The following NIBAN1 variants were observed in gnomAD, a reference collection of about 807,000 sequenced individuals.
The protein encoded by NIBAN1 is niban apoptosis regulator 1.
A neutral mutation model predicts 75.1 loss-of-function variants in NIBAN1; 81 were observed. That is an observed-to-expected ratio of 1.08 (90% CI 0.90 to 1.30). The LOEUF (loss-of-function observed/expected upper bound fraction) is 1.30. NIBAN1 is among the 50% of genes most tolerant of loss of function. NIBAN1 has a pLI of 0.00. For synonymous variants in NIBAN1, 436 were observed against 424.8 expected (o/e 1.03, Z -0.32); for missense variants, 1,133 against 1,128.1 (o/e 1.00, Z -0.06).
rs543215887 is a variant in NIBAN1 at position 184,861,572 on chromosome 1, A to AGGAAGGAAGGAG, written c.601+23049_601+23060dup. ...AGGGAGGAAGGGAAAGAAGGAGAGAAGGAAGGAAGGAGGGAAGGAAGGAGG... is the reference window on the plus strand; with the variant it reads ...AGGGAGGAAGGGAAAGAAGGAGAGAAGGAAGGAAGGAGGGAAGGAAGGAGGGAAGGAAGGAGG... On this transcript the variant is annotated intron_variant, in intron 5 of 13. Transcript: ENST00000367511. Among the ~76,000 whole-genome samples, 14 of 132,352 alleles carry AGGAAGGAAGGAG rather than the reference A, an allele frequency of 1.1e-4. No individual in the cohort carries two copies. In the East Asian group the frequency reaches 1.6e-3, roughly 15 times the overall value. 86.8% of individuals were successfully genotyped at this position (132,352 alleles called of 152,430 possible).
At chr1:184,843,642 G>A (rs1655357091) in intron 5 of NIBAN1, among the ~76,000 whole-genome samples, 1 of 152,064 alleles carries the variant, frequency 6.6e-6, no homozygotes, top group Admixed American at 6.6e-5. Context: ...ATCTTCCCTG[G>A]ACAAATCTAT....
intron 1 of NIBAN1, among the ~76,000 whole-genome samples, chr1:184,927,161 G>T (rs1476075298): frequency 1.3e-5 from 2 of 152,082 alleles, no homozygotes; most frequent in African/African-American, 4.8e-5. Context: ...TTGGTCCCTG[G>T]TGTCTTACTT....
In NIBAN1 at chr1:184,795,722, G is replaced by T. The variant is rs200330808; in HGVS notation, c.2042C>A (p.Ser681Ter). 2 of 1,613,466 alleles carry T rather than the reference G, an allele frequency of 1.2e-6. No homozygotes were observed. Among genetic ancestry groups the T allele is most frequent in the African/African-American group, 1.3e-5 (1 of 75,030 alleles). Residue 681 changes from serine to a stop codon, truncating the protein, a stop_gained, in exon 14 of 14, where the codon TCA becomes TAA. Transcript: ENST00000367511. LOFTEE classifies it low-confidence loss of function (END_TRUNC). ...GGTCCCTCCAAACTCCAGCTCTGAT[G>T]AGCATGTGCCCGGGAGTCCTGCTGT... is the stretch of plus-strand genomic sequence containing the variant. ...EDTAGLPGTC[S>*]SELEFGGTLE... is the part of the protein sequence containing the mutation.
chr1:184,874,389 T>C (rs2102291892), intron 5 of NIBAN1, among the ~76,000 whole-genome samples: 1 of 152,170 alleles, frequency 6.6e-6, no homozygotes, highest in South Asian at 2.1e-4. Context: ...AAATGATGTA[T>C]ATGTACCATT....
intron 1 of NIBAN1, among the ~76,000 whole-genome samples, chr1:184,964,942 G>A (rs1275838065): frequency 6.6e-6 from 1 of 152,208 alleles, no homozygotes; most frequent in Non-Finnish European, 1.5e-5. Context: ...TCAGCTATAA[G>A]TATCAATGGA....
intron 1 of NIBAN1, among the ~76,000 whole-genome samples, chr1:184,925,209 T>C: frequency 6.6e-6 from 1 of 152,122 alleles, no homozygotes. Flanking sequence ...CTATTTTATC[T>C]GATATAGGTA....
chr1:184,928,788 T>C (rs894267726), intron 1 of NIBAN1, among the ~76,000 whole-genome samples: 5 of 152,170 alleles, frequency 3.3e-5, no homozygotes, highest in Non-Finnish European at 7.3e-5. Flanking sequence ...TAAAACTAGG[T>C]ACTGTGATCA....
intron 1 of NIBAN1, among the ~76,000 whole-genome samples, chr1:184,937,334 G>C (rs529340377): frequency 6.6e-6 from 1 of 151,832 alleles, no homozygotes; most frequent in Admixed American, 6.6e-5. Context: ...GCCCTTAGTA[G>C]CTAATCCTAA....
At chr1:184,832,740 A>T (rs1655032355) in intron 5 of NIBAN1, among the ~76,000 whole-genome samples, 1 of 152,138 alleles carries the variant, frequency 6.6e-6, no homozygotes, top group African/African-American at 2.4e-5. Context: ...ATGGTGTCAT[A>T]TCTGAGAGGT....
At chr1:184,926,237 G>A (rs565274382) in intron 1 of NIBAN1, among the ~76,000 whole-genome samples, 25 of 152,004 alleles carry the variant, frequency 1.6e-4, no homozygotes, top group African/African-American at 5.8e-4. Context: ...TTTTTTATTT[G>A]TCTGTTTGTT....
chr1:184,805,673 G>A (rs979038032), intron 11 of NIBAN1, among the ~76,000 whole-genome samples: 1 of 152,134 alleles, frequency 6.6e-6, no homozygotes, highest in East Asian at 1.9e-4. Flanking sequence ...CAGCTAATAC[G>A]TGTTTGTCGA....
chr1:184,960,463 A>G (rs1223542500), intron 1 of NIBAN1, among the ~76,000 whole-genome samples: 1 of 152,206 alleles, frequency 6.6e-6, no homozygotes, highest in African/African-American at 2.4e-5. Context: ...TCATTCATGC[A>G]TTAAGCAAAT....
chr1:184,829,049 C>T (rs548288312), intron 6 of NIBAN1, among the ~76,000 whole-genome samples: 1 of 152,328 alleles, frequency 6.6e-6, no homozygotes, highest in South Asian at 2.1e-4. Flanking sequence ...GTCCTCCCAA[C>T]TTGGCCTTCC....
chr1:184,796,028 C>T lies in NIBAN1; in HGVS notation c.1736G>A (p.Ser579Asn). 4 of 1,609,452 alleles carry T rather than the reference C, an allele frequency of 2.5e-6. No individual in the cohort carries two copies. Among genetic ancestry groups the T allele is most frequent in the Non-Finnish European group, 3.4e-6 (4 of 1,179,146 alleles). Residue 579 changes from serine to asparagine, a missense_variant, in exon 14 of 14, where the codon AGT becomes AAT. Ser to Asn is a conservative substitution (Grantham distance 46, BLOSUM62 1). Coordinates refer to ENST00000367511, the MANE Select transcript of NIBAN1 (RefSeq NM_052966.4). ...FEDNMALPSE[S>N]VSSLTDLKPP... ...CTTTAGATCTGTTAAGCTGGACACA[C>T]TTTCACTGGGCAAGGCCATGTTATC... is the stretch of plus-strand genomic sequence containing the variant.
intron 13 of NIBAN1, among the ~76,000 whole-genome samples, chr1:184,796,737 CAG>C (rs2102177651): frequency 6.6e-6 from 1 of 152,350 alleles, no homozygotes; most frequent in South Asian, 2.1e-4. Flanking sequence ...TATCACATCT[CAG>C]GGGTGCCATT....
chr1:184,941,833 T>A (rs1658096236), intron 1 of NIBAN1, among the ~76,000 whole-genome samples: 1 of 152,180 alleles, frequency 6.6e-6, no homozygotes, highest in Admixed American at 6.5e-5. Context: ...CAGATTGATG[T>A]CTGTGGTCAT....
chr1:184,958,403 A>ACACACACACACAC (rs1557930919), intron 1 of NIBAN1, among the ~76,000 whole-genome samples: 1 of 121,828 alleles, frequency 8.2e-6, no homozygotes, highest in Non-Finnish European at 1.7e-5. Flanking sequence ...CACACACACA[A>ACACACACACACAC]ATAGCCAAAT....
At chr1:184,969,415 AG>A (rs1351197102) in intron 1 of NIBAN1, among the ~76,000 whole-genome samples, 1 of 152,220 alleles carries the variant, frequency 6.6e-6, no homozygotes, top group Non-Finnish European at 1.5e-5. Flanking sequence ...CAGCAGTTGC[AG>A]GCATCACATT....
chr1:184,820,172 GATAA>G (rs1329244610), intron 8 of NIBAN1, among the ~76,000 whole-genome samples: 1 of 152,156 alleles, frequency 6.6e-6, no homozygotes, highest in African/African-American at 2.4e-5. Context: ...TTTGTCAGGA[GATAA>G]ATTAATTATT....
Sources: allele counts gnomAD v4.1 joint callset (sites outside exome capture counted in the v4.1 genomes callset), GRCh38; gene constraint gnomAD v4.1.1; transcripts MANE v1.5; gene names NCBI Gene and HGNC (gene_info 2026-07-23, HGNC 2026-07-21).